Variants in FHOD3 observed in about 807,000 individuals in gnomAD.
FHOD3 encodes the protein FH1/FH2 domain-containing protein 3.
FHOD3 carries 90 observed loss-of-function variants against 173.0 expected under a neutral mutation model. The ratio of observed to expected loss-of-function variants is 0.52; its 90% confidence interval spans 0.44 to 0.62. The LOEUF is 0.62. Ranked by LOEUF, FHOD3 falls within the 20% of genes least tolerant of loss-of-function variation. FHOD3 has a pLI of 0.00. For synonymous variants in FHOD3, 828 were observed against 823.0 expected (o/e 1.01, Z -0.10); for missense variants, 1,945 against 2,034.7 (o/e 0.96, Z 0.85).
chr18:36,442,545 A>G (rs958867327), intron 3 of FHOD3, among the ~76,000 whole-genome samples: 3 of 152,250 alleles, frequency 2.0e-5, no homozygotes, highest in Non-Finnish European at 4.4e-5. Context: ...TTTTTAAGCA[A>G]TGAGGATTTA....
chr18:36,641,125 A>T (rs1365943995), intron 10 of FHOD3, among the ~76,000 whole-genome samples: 1 of 151,984 alleles, frequency 6.6e-6, no homozygotes, highest in African/African-American at 2.4e-5. Flanking sequence ...GGGCCATGGA[A>T]CTGCAGCAGG....
intron 3 of FHOD3, among the ~76,000 whole-genome samples, chr18:36,387,902 G>A (rs2048106468): frequency 1.3e-5 from 2 of 152,060 alleles, no homozygotes; most frequent in Admixed American, 1.3e-4. Context: ...AGGGGTAGAG[G>A]CTGTTCCTCT....
At chr18:36,495,851 T>A (rs1392523956) in intron 3 of FHOD3, among the ~76,000 whole-genome samples, 1 of 152,180 alleles carries the variant, frequency 6.6e-6, no homozygotes, top group African/African-American at 2.4e-5. Context: ...TGTCTGTCAG[T>A]CATCCTACCT....
intron 1 of FHOD3, among the ~76,000 whole-genome samples, chr18:36,302,010 G>A (rs371157258): frequency 3.3e-5 from 5 of 152,196 alleles, no homozygotes; most frequent in African/African-American, 4.8e-5. Context: ...ATGGCCATTC[G>A]AGGGCCAAGT....
chr18:36,742,669 A>T, intron 21 of FHOD3, 68 bp from the exon 22 acceptor site: 1 of 1,537,170 alleles, frequency 6.5e-7, no homozygotes, highest in Non-Finnish European at 8.8e-7. Context: ...CCTTATACAA[A>T]AAGTCAGAAG....
chr18:36,676,124 C>A (rs1404530013), intron 14 of FHOD3, among the ~76,000 whole-genome samples: 3 of 152,038 alleles, frequency 2.0e-5, no homozygotes, highest in East Asian at 3.9e-4. Flanking sequence ...AACATTGAAA[C>A]CCTTATCCCT....
intron 3 of FHOD3, among the ~76,000 whole-genome samples, chr18:36,416,913 A>G (rs62086166): frequency 0.024 from 3,597 of 152,122 alleles, 64 homozygotes; most frequent in Non-Finnish European, 0.032. Context: ...AGAGGCATCT[A>G]TTTCTTCAAT....
Position 36,779,820 on chromosome 18 carries a change from C to A in FHOD3, c.*290C>A, listed in dbSNP as rs551308391. 4.0e-6 allele frequency: 2 copies of A among 499,950 alleles called. No homozygotes were observed. Among genetic ancestry groups the A allele is most frequent in the Non-Finnish European group, 7.1e-6 (2 of 283,464 alleles). 31.0% of individuals were successfully genotyped at this position (499,950 alleles called of 1,614,324 possible). On this transcript the variant is annotated 3_prime_UTR_variant, in exon 29 of 29. Transcript: ENST00000590592. ...GACACCTTTTCTGGGCAAGGAACAG[C>A]CCCTTTAAGGAGCAAATCACTTCTG...
At position 36,365,643 on chromosome 18, in the gene FHOD3, T is replaced by C. The variant is rs115834411; in HGVS notation, c.273-7037T>C. Among the ~76,000 whole-genome samples the C allele has an allele frequency of 8.3e-3, 1,271 of 152,322 alleles. 15 individuals carry two copies. Among genetic ancestry groups the C allele is most frequent in the African/African-American group, 0.028 (1,183 of 41,574 alleles). The stretch of plus-strand genomic sequence containing the variant: ...GAAGATACTAATAATCAGTGGATTA[T>C]ATCCATAAAACAGGTGGGTTTTATG... On this transcript the variant is annotated intron_variant, in intron 2 of 28. Transcript: ENST00000590592.
chr18:36,687,957 T>C (rs889111357), intron 16 of FHOD3, among the ~76,000 whole-genome samples: 1 of 152,228 alleles, frequency 6.6e-6, no homozygotes, highest in Admixed American at 6.5e-5. Flanking sequence ...TACATTACTT[T>C]ATAAGATTAA....
In FHOD3 at chr18:36,774,649, G is replaced by A. The variant is rs558654485; in HGVS notation, c.4787-4799G>A. ...TTTTGTTGTTGTTCTGGGTTTTATC[G>A]CTTCAACGTTTTATTCTGAAAAAAT... On this transcript the variant is annotated intron_variant, in intron 28 of 28. Coordinates refer to ENST00000590592, the MANE Select transcript of FHOD3 (RefSeq NM_001281740.3). 5.9e-5 allele frequency among the ~76,000 whole-genome samples: 9 copies of A among 152,180 alleles called. No individual in the cohort carries two copies. In the South Asian group the frequency reaches 8.3e-4, roughly 14 times the overall value.
chr18:36,776,013 T>A (rs1044896734), intron 28 of FHOD3, among the ~76,000 whole-genome samples: 13 of 151,460 alleles, frequency 8.6e-5, no homozygotes, highest in Admixed American at 3.9e-4. Context: ...AAATGAGGAG[T>A]CGGGAGAGGC....
chr18:36,634,003 T>G (rs1037588747), intron 10 of FHOD3, among the ~76,000 whole-genome samples: 1 of 151,864 alleles, frequency 6.6e-6, no homozygotes, highest in Non-Finnish European at 1.5e-5. Context: ...GGCGATGGAG[T>G]AAGGGAAGGT....
At chr18:36,753,717 T>C (rs2042505574) in intron 24 of FHOD3, among the ~76,000 whole-genome samples, 1 of 152,224 alleles carries the variant, frequency 6.6e-6, no homozygotes, top group Non-Finnish European at 1.5e-5. Flanking sequence ...TCACCAACAT[T>C]TGTTCTAGCC....
At chr18:36,596,379 A>G (rs1425946231) in intron 7 of FHOD3, among the ~76,000 whole-genome samples, 3 of 118,522 alleles carry the variant, frequency 2.5e-5, no homozygotes, top group Admixed American at 1.1e-4. Flanking sequence ...GAGACAGGGT[A>G]TCACCGTGTT....
chr18:36,686,796 T>C (rs2038649367), intron 15 of FHOD3, among the ~76,000 whole-genome samples: 1 of 152,242 alleles, frequency 6.6e-6, no homozygotes, highest in Admixed American at 6.5e-5. Flanking sequence ...TATTGCTTGC[T>C]TGTTATTGCT....
chr18:36,554,235 C>G (rs2057780483), intron 5 of FHOD3, among the ~76,000 whole-genome samples: 1 of 152,096 alleles, frequency 6.6e-6, no homozygotes, highest in South Asian at 2.1e-4. Flanking sequence ...TTGGAACCAA[C>G]CCAAATGTCC....
At chr18:36,399,618 A>G (rs1032593481) in intron 3 of FHOD3, among the ~76,000 whole-genome samples, 1 of 152,110 alleles carries the variant, frequency 6.6e-6, no homozygotes, top group African/African-American at 2.4e-5. Context: ...GGCTCAGGGC[A>G]TGCACCTTGC....
chr18:36,492,973 A>T (rs950643062), intron 3 of FHOD3, among the ~76,000 whole-genome samples: 2 of 152,162 alleles, frequency 1.3e-5, no homozygotes, highest in Non-Finnish European at 2.9e-5. Flanking sequence ...CATTTCTGTT[A>T]GCCATTTTCA....
Sources: gnomAD v4.1 joint callset for allele counts (sites outside exome capture counted in the v4.1 genomes callset) on GRCh38, gnomAD v4.1.1 for gene constraint, MANE v1.5 for transcripts, NCBI Gene and HGNC (gene_info 2026-07-23, HGNC 2026-07-21) for gene names.